The following JMJD8 variants were observed in gnomAD, a reference collection of about 807,000 sequenced individuals.
JMJD8 encodes jmjC domain-containing protein 8.
JMJD8 carries 56 observed loss-of-function variants against 37.6 expected under a neutral mutation model. That is an observed-to-expected ratio of 1.49 (90% CI 1.20 to 1.86). JMJD8 has a LOEUF of 1.86. Ranked by LOEUF, JMJD8 falls within the 40% of genes most tolerant of loss-of-function variation. The pLI is 0.00. For missense variants in JMJD8, 542 were observed against 362.7 expected, an observed-to-expected ratio of 1.49 and a Z score of -4.01; for synonymous variants, 261 against 163.7, an observed-to-expected ratio of 1.59 and a Z score of -4.54.
In JMJD8 at chr16:682,737, G is replaced by GT; in HGVS notation, c.*56dup. 1.3e-6 allele frequency: 2 copies of GT among 1,578,906 alleles called. No individual in the cohort carries two copies. Among genetic ancestry groups the GT allele is most frequent in the Non-Finnish European group, 1.7e-6 (2 of 1,153,576 alleles). On this transcript the variant is annotated 3_prime_UTR_variant, in exon 9 of 9. Coordinates refer to ENST00000609261, the MANE Select transcript of JMJD8 (RefSeq NM_001005920.4). ...CGCCACTATCTGTGTAATAAAATCC[G>GT]TGAGCACGAGGTGGGACGTGCTGGT... is the stretch of plus-strand genomic sequence containing the variant.
rs144127842 is a variant in JMJD8 at position 681,811 on chromosome 16, G to C, written c.*983C>G. 4 of 1,603,210 alleles carry C rather than the reference G, an allele frequency of 2.5e-6. No homozygotes were observed. The South Asian group carries it at 4.4e-5, about 18-fold the overall frequency. Reference sequence around the variant, plus strand: ...CCCCCAGGGAGCTGGAAGAGTGCCAGCGAAACCACGAGGGTGATGAGGACG... The same window carrying C: ...CCCCCAGGGAGCTGGAAGAGTGCCACCGAAACCACGAGGGTGATGAGGACG... On this transcript the variant is annotated 3_prime_UTR_variant, in exon 9 of 9. Transcript: ENST00000609261.
rs2039672083 is a variant in JMJD8 at position 681,874 on chromosome 16, C to G, written c.*920G>C. On this transcript the variant is annotated 3_prime_UTR_variant, in exon 9 of 9. Coordinates refer to ENST00000609261, the MANE Select transcript of JMJD8 (RefSeq NM_001005920.4). ...GGGCCCAGCAGGCCTGCATTGAGGC[C>G]AAGCACGTGAGGGTGCCCCCCACCC... is the stretch of plus-strand genomic sequence containing the variant. The G allele has an allele frequency of 1.2e-6, 2 of 1,612,838 alleles. No individual in the cohort carries two copies. The highest frequency in any genetic ancestry group is 1.1e-5 in the South Asian group (1 of 91,090).
Position 683,699 on chromosome 16 carries a change from T to G in JMJD8, c.308A>C (p.Tyr103Ser). 6.2e-7 allele frequency: 1 copy of G among 1,603,648 alleles called. No individual in the cohort carries two copies. The highest frequency in any genetic ancestry group is 8.5e-7 in the Non-Finnish European group (1 of 1,176,064). ...AGGCCGCGTACCTTTGTGGTAGGAG[T>G]AGGTGTTGGCGGTGCTCAGCCGGAC... ...RVVRLSTANT[Y>S]SYHKVDLPFQ... The change falls in exon 4 of 9, where the codon TAC (tyrosine) becomes TCC (serine). Residue 103 changes from tyrosine (Y) to serine (S), a missense_variant. Coordinates refer to ENST00000609261, the MANE Select transcript of JMJD8 (RefSeq NM_001005920.4).
Position 683,558 on chromosome 16 carries a change from G to C in JMJD8, c.363C>G (p.His121Gln). 7 of 1,571,164 alleles carry C rather than the reference G, an allele frequency of 4.5e-6. No homozygotes were observed. Among genetic ancestry groups the C allele is most frequent in the Non-Finnish European group, 6.0e-6 (7 of 1,158,176 alleles). The stretch of plus-strand genomic sequence containing the variant: ...TGCCCAGGGAGGTGGGGTCCTGGGG[G>C]TGCAGCAGCTGCTCCACATACTCCT... ...PFQEYVEQLL[H>Q]PQDPTSLGND... Residue 121 changes from histidine (H) to glutamine (Q), a missense_variant, in exon 5 of 9, where the codon CAC becomes CAG. Coordinates refer to ENST00000609261, the MANE Select transcript of JMJD8 (RefSeq NM_001005920.4).
Position 681,708 on chromosome 16 carries a change from G to T in JMJD8, c.*1086C>A. On this transcript the variant is annotated 3_prime_UTR_variant, in exon 9 of 9. Transcript: ENST00000609261. ...TTTACTGGCAAGCAGGAAATGTGGG[G>T]AAGTGTGGATGTTAGCTCTGAGATT... 6.4e-7 allele frequency: 1 copy of T among 1,553,204 alleles called. No individual in the cohort carries two copies. The highest frequency in any genetic ancestry group is 8.7e-7 in the Non-Finnish European group (1 of 1,144,014).
rs771774161 is a variant in JMJD8 at position 683,308 on chromosome 16, C to T, written c.511+14G>A. ...CAGAAGCCTCAGTCCTTCCCAGTCC[C>T]AAGAAGCACCCACCTGCGATTCCAA... On this transcript the variant is annotated intron_variant, in intron 6 of 8. Coordinates refer to ENST00000609261, the MANE Select transcript of JMJD8 (RefSeq NM_001005920.4). The T allele has an allele frequency of 6.2e-7, 1 of 1,604,980 alleles. No homozygotes were observed. Among genetic ancestry groups the T allele is most frequent in the East Asian group, 2.2e-5 (1 of 44,500 alleles).
Position 683,866 on chromosome 16 carries a change from T to A in JMJD8, c.220A>T (p.Asn74Tyr). 1 of 1,585,876 alleles carries A rather than the reference T, an allele frequency of 6.3e-7. No homozygotes were observed. Among genetic ancestry groups the A allele is most frequent in the Non-Finnish European group, 8.6e-7 (1 of 1,168,486 alleles). The change falls in exon 3 of 9, where the codon AAC becomes TAC. Residue 74 changes from asparagine to tyrosine, a missense_variant. Transcript: ENST00000609261. ...ACGGACGGGCACGCGCTCACCGAGT[T>A]GTCCGTGAGTCCCTGCAGGATGACG... Reference protein sequence around the residue: ...RPVILQGLTDNSRFRALCSRD... With the variant: ...RPVILQGLTDYSRFRALCSRD...
intron 3 of JMJD8, 25 bp from the exon 4 acceptor site, chr16:683,806 G>GTTAA: frequency 6.3e-7 from 1 of 1,591,712 alleles, no homozygotes. Flanking sequence ...AGGGGACTTA[G>GTTAA]TGGCCGGGCC....
chr16:683,005 G>A lies in JMJD8; in HGVS notation c.662C>T (p.Pro221Leu). 6.2e-7 allele frequency: 1 copy of A among 1,613,464 alleles called. No individual in the cohort carries two copies. Among genetic ancestry groups the A allele is most frequent in the Non-Finnish European group, 8.5e-7 (1 of 1,179,888 alleles). Residue 221 changes from proline to leucine, a missense_variant, in exon 8 of 9, where the codon CCA becomes CTA. Transcript: ENST00000609261. ...TTLAWLRDTY[P>L]ALPPSARPLE... ...GGGCCGTGCAGACGGTGGCAGGGCT[G>A]GGTATGTGTCCCGGAGCCAGGCCAG... is the stretch of plus-strand genomic sequence containing the variant.
In JMJD8 at chr16:683,706, T is replaced by C; in HGVS notation, c.301A>G (p.Asn101Asp). The change falls in exon 4 of 9, where the codon AAC becomes GAC. Residue 101 changes from asparagine to aspartate, a missense_variant. Asn to Asp is a conservative substitution (Grantham distance 23, BLOSUM62 1). Transcript: ENST00000609261. ...GTACCTTTGTGGTAGGAGTAGGTGT[T>C]GGCGGTGCTCAGCCGGACCACTCTG... ...GDRVVRLSTANTYSYHKVDLP... is the reference protein window; with the variant it reads ...GDRVVRLSTADTYSYHKVDLP... The C allele has an allele frequency of 6.2e-7, 1 of 1,606,068 alleles. No homozygotes were observed. The highest frequency in any genetic ancestry group is 8.5e-7 in the Non-Finnish European group (1 of 1,177,038).
rs755791090 is a variant in JMJD8, at chr16:683,545, T to G, written c.376A>C (p.Thr126Pro). The G allele has an allele frequency of 3.8e-5, 59 of 1,562,176 alleles. No individual in the cohort carries two copies. The East Asian group carries it at 1.4e-3, about 37-fold the overall frequency. Residue 126 changes from threonine to proline, a missense_variant, in exon 5 of 9, where the codon ACC (threonine) becomes CCC (proline). By Grantham distance (38) the Thr-to-Pro change is conservative. Transcript: ENST00000609261. ...VEQLLHPQDP[T>P]SLGNDTLYFF... ...GCTGCCTCACCATTGCCCAGGGAGG[T>G]GGGGTCCTGGGGGTGCAGCAGCTGC... is the stretch of plus-strand genomic sequence containing the variant.
At position 682,502 on chromosome 16, in the gene JMJD8, T is replaced by C. The variant is rs369630124; in HGVS notation, c.*292A>G. 6.2e-7 allele frequency: 1 copy of C among 1,612,986 alleles called. No homozygotes were observed. On this transcript the variant is annotated 3_prime_UTR_variant, in exon 9 of 9. Coordinates refer to ENST00000609261, the MANE Select transcript of JMJD8 (RefSeq NM_001005920.4). ...GGAGGACTACTGAGGTTCCCTGCCC[T>C]ACCTGGCGTCCTGGTCCAGGGGAGC...
rs993171924 is a variant in JMJD8 at position 681,698 on chromosome 16, G to A, written c.*1096C>T. On this transcript the variant is annotated 3_prime_UTR_variant, in exon 9 of 9. Coordinates refer to ENST00000609261, the MANE Select transcript of JMJD8 (RefSeq NM_001005920.4). ...TATCGAAGGCTTTACTGGCAAGCAG[G>A]AAATGTGGGGAAGTGTGGATGTTAG... 7 of 1,554,170 alleles carry A rather than the reference G, an allele frequency of 4.5e-6. No individual in the cohort carries two copies. Among genetic ancestry groups the A allele is most frequent in the South Asian group, 1.2e-5 (1 of 83,756 alleles).
chr16:682,822 C>A lies in JMJD8; in HGVS notation c.767G>T (p.Ser256Ile). 6.2e-7 allele frequency: 1 copy of A among 1,613,030 alleles called. No individual in the cohort carries two copies. Among genetic ancestry groups the A allele is most frequent in the Non-Finnish European group, 8.5e-7 (1 of 1,179,870 alleles). Reference sequence around the variant, plus strand: ...GCCGAGGAAGGTGGAGATGAAGACGCTGGTGTCAAGGTTGAGCGTAGCATG... The same window carrying A: ...GCCGAGGAAGGTGGAGATGAAGACGATGGTGTCAAGGTTGAGCGTAGCATG... The part of the protein sequence containing the change: ...WWHATLNLDT[S>I]VFISTFLG The change falls in exon 9 of 9, where the codon AGC becomes ATC. Residue 256 changes from serine (S) to isoleucine (I), a missense_variant. Transcript: ENST00000609261.
rs2039671999 is a variant in JMJD8 at position 681,873 on chromosome 16, C to T, written c.*921G>A. On this transcript the variant is annotated 3_prime_UTR_variant, in exon 9 of 9. Transcript: ENST00000609261. ...CGGGCCCAGCAGGCCTGCATTGAGG[C>T]CAAGCACGTGAGGGTGCCCCCCACC... 6.2e-7 allele frequency: 1 copy of T among 1,612,946 alleles called. No individual in the cohort carries two copies. The highest frequency in any genetic ancestry group is 8.5e-7 in the Non-Finnish European group (1 of 1,179,980).
Position 681,892 on chromosome 16 carries a change from C to T in JMJD8, c.*902G>A. 1.2e-6 allele frequency: 2 copies of T among 1,612,896 alleles called. No homozygotes were observed. Among genetic ancestry groups the T allele is most frequent in the Non-Finnish European group, 8.5e-7 (1 of 1,179,826 alleles). ...TTGAGGCCAAGCACGTGAGGGTGCC[C>T]CCCACCCACATGTGGGTCTGTGTGT... On this transcript the variant is annotated 3_prime_UTR_variant, in exon 9 of 9. Coordinates refer to ENST00000609261, the MANE Select transcript of JMJD8 (RefSeq NM_001005920.4).
Position 683,382 on chromosome 16 carries a change from A to C in JMJD8, c.451T>G (p.Tyr151Asp), listed in dbSNP as rs1180438978. Reference protein sequence around the residue: ...FTEWASLFRHYSPPPFGLLGT... With the variant: ...FTEWASLFRHDSPPPFGLLGT... ...AGCAGGCCAAATGGGGGTGGGGAGT[A>C]GTGCCGAAAGAGAGAGGCCCACTCG... Residue 151 changes from tyrosine (Y) to aspartate (D), a missense_variant, in exon 6 of 9, where the codon TAC becomes GAC. Physicochemically the swap from Tyr to Asp is radical, Grantham distance 160. Transcript: ENST00000609261. The C allele has an allele frequency of 6.4e-7, 1 of 1,556,404 alleles. No individual in the cohort carries two copies.
chr16:682,528 C>A lies in JMJD8; in HGVS notation c.*266G>T. 1.2e-6 allele frequency: 2 copies of A among 1,611,498 alleles called. No individual in the cohort carries two copies. Among genetic ancestry groups the A allele is most frequent in the Non-Finnish European group, 1.7e-6 (2 of 1,179,140 alleles). Reference sequence around the variant, plus strand: ...ACCTGGCGTCCTGGTCCAGGGGAGCCCTGGGCAGAAGCCCCCGGCCCCTAT... The same window carrying A: ...ACCTGGCGTCCTGGTCCAGGGGAGCACTGGGCAGAAGCCCCCGGCCCCTAT... On this transcript the variant is annotated 3_prime_UTR_variant, in exon 9 of 9. Coordinates refer to ENST00000609261, the MANE Select transcript of JMJD8 (RefSeq NM_001005920.4).
Position 682,296 on chromosome 16 carries a change from T to G in JMJD8, c.*498A>C, listed in dbSNP as rs754286588. The G allele has an allele frequency of 6.2e-7, 1 of 1,612,428 alleles. No individual in the cohort carries two copies. The highest frequency in any genetic ancestry group is 2.2e-5 in the East Asian group (1 of 44,878). On this transcript the variant is annotated 3_prime_UTR_variant, in exon 9 of 9. Coordinates refer to ENST00000609261, the MANE Select transcript of JMJD8 (RefSeq NM_001005920.4). The stretch of plus-strand genomic sequence containing the variant: ...AGCACCTGCAGGTGAGGCCTGCGGC[T>G]GGGGGAGCAGGGCCAGTGGCATGGT...
Sources: gnomAD v4.1 joint callset for allele counts on GRCh38, gnomAD v4.1.1 for gene constraint, MANE v1.5 for transcripts, NCBI Gene and HGNC (gene_info 2026-07-23, HGNC 2026-07-21) for gene names.